Variants in ABTB3 observed in about 807,000 individuals in gnomAD.
ABTB3 encodes the protein ankyrin repeat- and BTB/POZ domain-containing protein 3.
chr12:107,533,124 A>C, the ABTB3 span, among the ~76,000 whole-genome samples: 1 of 152,232 alleles, frequency 6.6e-6, no homozygotes, highest in Non-Finnish European at 1.5e-5. Context: ...CAAATGAGAA[A>C]CAGAGATGAA....
the ABTB3 span, among the ~76,000 whole-genome samples, chr12:107,640,139 G>A: frequency 2.6e-5 from 4 of 152,188 alleles, no homozygotes; most frequent in African/African-American, 9.7e-5. Context: ...GCATTTCAGT[G>A]ACTTGACTGT....
the ABTB3 span, among the ~76,000 whole-genome samples, chr12:107,540,495 A>C: frequency 6.6e-6 from 1 of 152,132 alleles, no homozygotes; most frequent in East Asian, 1.9e-4. Flanking sequence ...CCGGCTATCT[A>C]GGTGTCCTTT....
the ABTB3 span, among the ~76,000 whole-genome samples, chr12:107,454,935 C>G: frequency 2.6e-5 from 4 of 152,208 alleles, no homozygotes; most frequent in South Asian, 8.3e-4. Flanking sequence ...ATTTAACCTT[C>G]ACAACAACCC....
the ABTB3 span, chr12:107,616,980 T>C: frequency 8.9e-7 from 1 of 1,128,676 alleles, no homozygotes; most frequent in African/African-American, 1.5e-5. Flanking sequence ...GTCACCAACC[T>C]AGAGGGAGGG....
the ABTB3 span, chr12:107,580,857 A>G: frequency 1.9e-6 from 3 of 1,547,208 alleles, no homozygotes; most frequent in Non-Finnish European, 2.6e-6. Context: ...TAATATTCCC[A>G]GATCAGTTAC....
the ABTB3 span, among the ~76,000 whole-genome samples, chr12:107,488,811 A>C: frequency 6.6e-6 from 1 of 152,112 alleles, no homozygotes; most frequent in Non-Finnish European, 1.5e-5. Flanking sequence ...GGGCAGGATA[A>C]CCAAGAGGAG....
chr12:107,598,956 G>A, the ABTB3 span, among the ~76,000 whole-genome samples: 73 of 152,252 alleles, frequency 4.8e-4, 1 homozygote, highest in East Asian at 0.014. Context: ...CTCCTTCCTG[G>A]ATAAGTCTGG....
chr12:107,437,545 T>C, the ABTB3 span, among the ~76,000 whole-genome samples: 3,468 of 152,102 alleles, frequency 0.023, 137 homozygotes, highest in African/African-American at 0.078. Flanking sequence ...TACAGGTGTA[T>C]GCCACCACAT....
chr12:107,361,509 T>A, the ABTB3 span, among the ~76,000 whole-genome samples: 1 of 152,342 alleles, frequency 6.6e-6, no homozygotes, highest in Middle Eastern at 3.4e-3. Flanking sequence ...GCAACGTAAC[T>A]TTTCGTATAT....
At chr12:107,521,551 G>T in the ABTB3 span, among the ~76,000 whole-genome samples, 4 of 152,152 alleles carry the variant, frequency 2.6e-5, no homozygotes, top group East Asian at 7.7e-4. Flanking sequence ...TCCACAATGA[G>T]ATCCACTTAA....
chr12:107,362,787 G>C, the ABTB3 span, among the ~76,000 whole-genome samples: 1 of 149,892 alleles, frequency 6.7e-6, no homozygotes, highest in Non-Finnish European at 1.5e-5. Flanking sequence ...AACAAACCCT[G>C]TCTAAAAAAA....
At chr12:107,468,394 C>T in the ABTB3 span, among the ~76,000 whole-genome samples, 14,608 of 152,118 alleles carry the variant, frequency 0.096, 732 homozygotes, top group South Asian at 0.14. Context: ...TAAAGGCGCT[C>T]CAGCTTCTAG....
chr12:107,570,523 T>A, the ABTB3 span, among the ~76,000 whole-genome samples: 2 of 152,146 alleles, frequency 1.3e-5, no homozygotes, highest in Admixed American at 6.5e-5. Context: ...CCCTTCTTTT[T>A]AACTTTCTAT....
At chr12:107,583,273 G>A in the ABTB3 span, among the ~76,000 whole-genome samples, 45 of 152,294 alleles carry the variant, frequency 3.0e-4, no homozygotes, top group East Asian at 5.2e-3. Flanking sequence ...CTCTGCTACC[G>A]CTGAAATAAT....
At chr12:107,409,415 C>T in the ABTB3 span, among the ~76,000 whole-genome samples, 2 of 152,232 alleles carry the variant, frequency 1.3e-5, no homozygotes, top group Non-Finnish European at 2.9e-5. Flanking sequence ...ATACCAGCAG[C>T]CCCATTACTG....
the ABTB3 span, among the ~76,000 whole-genome samples, chr12:107,452,707 G>T: frequency 1.3e-5 from 2 of 152,262 alleles, no homozygotes; most frequent in Admixed American, 1.3e-4. Context: ...TCAGCGTGGT[G>T]GCAGGCACTT....
At chr12:107,519,270 T>G in the ABTB3 span, among the ~76,000 whole-genome samples, 2 of 152,168 alleles carry the variant, frequency 1.3e-5, no homozygotes, top group Non-Finnish European at 2.9e-5. Context: ...CACCTTCAGA[T>G]CTCCAGTTTT....
At chr12:107,578,006 T>C in the ABTB3 span, among the ~76,000 whole-genome samples, 1 of 151,706 alleles carries the variant, frequency 6.6e-6, no homozygotes, top group African/African-American at 2.4e-5. Flanking sequence ...CATTGTTCTC[T>C]TAAAAAAAAA....
the ABTB3 span, among the ~76,000 whole-genome samples, chr12:107,527,243 T>G: frequency 1.3e-5 from 2 of 151,870 alleles, no homozygotes; most frequent in Admixed American, 6.6e-5. Context: ...AGACTGTAAA[T>G]CCCACCAGAG....
Sources: gnomAD v4.1 joint callset for allele counts (sites outside exome capture counted in the v4.1 genomes callset) on GRCh38, gnomAD v4.1.1 for gene constraint, MANE v1.5 for transcripts, NCBI Gene and HGNC (gene_info 2026-07-23, HGNC 2026-07-21) for gene names.